ACOXL: variants seen among roughly 807,000 people sequenced by gnomAD.
ACOXL encodes the protein acyl-CoA oxidase like.
ACOXL carries 70 observed loss-of-function variants against 71.9 expected under a neutral mutation model. That is an observed-to-expected ratio of 0.97 (90% CI 0.80 to 1.19). ACOXL has a LOEUF of 1.19. Among genes scored for constraint, ACOXL ranks in the 50% most tolerant of loss-of-function variants. ACOXL has a pLI of 0.00. For synonymous variants in ACOXL, 253 were observed against 281.6 expected, an observed-to-expected ratio of 0.90 and a Z score of 1.02; for missense variants, 703 against 736.3, an observed-to-expected ratio of 0.95 and a Z score of 0.52.
chr2:110,895,066 T>A (rs1256446129), intron 10 of ACOXL, among the ~76,000 whole-genome samples: 1 of 152,130 alleles, frequency 6.6e-6, no homozygotes, highest in Non-Finnish European at 1.5e-5. Flanking sequence ...AGAAAATCAA[T>A]AGGTGCTAAC....
chr2:110,785,125 T>A (rs1683791294), intron 3 of ACOXL, among the ~76,000 whole-genome samples: 1 of 152,244 alleles, frequency 6.6e-6, no homozygotes, highest in Non-Finnish European at 1.5e-5. Context: ...TAAATATTAT[T>A]GCTAAGATCG....
intron 15 of ACOXL, among the ~76,000 whole-genome samples, chr2:111,047,171 A>G (rs1327280623): frequency 1.3e-5 from 2 of 152,190 alleles, no homozygotes; most frequent in Non-Finnish European, 2.9e-5. Flanking sequence ...CTGGCTTGGT[A>G]TGGAAGTTGA....
At chr2:110,968,329 G>A in intron 12 of ACOXL, 1 of 1,186,354 alleles carries the variant, frequency 8.4e-7, no homozygotes, top group South Asian at 1.2e-5. Flanking sequence ...CCTGAAGGGA[G>A]CTGTGGCTGG....
chr2:110,782,550 A>G (rs1018294557), intron 2 of ACOXL, among the ~76,000 whole-genome samples: 1 of 152,228 alleles, frequency 6.6e-6, no homozygotes, highest in Non-Finnish European at 1.5e-5. Flanking sequence ...ATGAGATCTA[A>G]TAGCAAAGGT....
At chr2:111,095,949 C>G (rs2150032296) in intron 17 of ACOXL, among the ~76,000 whole-genome samples, 1 of 152,308 alleles carries the variant, frequency 6.6e-6, no homozygotes, top group East Asian at 1.9e-4. Context: ...GCCACCATAC[C>G]TCTTTGCAGG....
chr2:111,109,671 ATTTTTTTTTT>A lies in ACOXL; in HGVS notation c.1543-7929_1543-7920del, dbSNP rs869081161. Among the ~76,000 whole-genome samples the A allele has an allele frequency of 5.6e-4, 42 of 75,670 alleles. No individual in the cohort carries two copies. In the East Asian group the frequency reaches 8.8e-3, roughly 16 times the overall value. The allele number at this position is 75,670 out of a possible 152,430, so 49.6% of individuals were successfully genotyped here. ...CTATTATATCCATTTTTCTCCTTCT[ATTTTTTTTTT>A]TTTTTTTTTTTTTTTGAGACAGAGT... On this transcript the variant is annotated intron_variant, in intron 17 of 17. Transcript: ENST00000439055.
In ACOXL at chr2:110,790,560, C is replaced by G. The variant is rs543287889; in HGVS notation, c.160-3090C>G. ...GCAAGGTGGGTGCATGTTTGAAGTT[C>G]GAGTTTTCATTAGGTATCCCCCAAC... On this transcript the variant is annotated intron_variant, in intron 3 of 17. Coordinates refer to ENST00000439055, the MANE Select transcript of ACOXL (RefSeq NM_001142807.4). Among the ~76,000 whole-genome samples the G allele has an allele frequency of 2.6e-5, 4 of 152,260 alleles. No individual in the cohort carries two copies. In the South Asian group the frequency reaches 8.3e-4, roughly 32 times the overall value.
At chr2:111,015,986 G>A (rs1184236290) in intron 14 of ACOXL, among the ~76,000 whole-genome samples, 1 of 152,132 alleles carries the variant, frequency 6.6e-6, no homozygotes, top group East Asian at 1.9e-4. Flanking sequence ...AGGCTGGAGT[G>A]CAGTGGTACA....
At chr2:111,103,316 A>T (rs1162807551) in intron 17 of ACOXL, among the ~76,000 whole-genome samples, 2 of 148,784 alleles carry the variant, frequency 1.3e-5, no homozygotes, top group Admixed American at 1.3e-4. Flanking sequence ...AAAAATAAAT[A>T]AATAAAATAA....
chr2:110,905,065 G>A (rs2059391104), intron 10 of ACOXL, among the ~76,000 whole-genome samples: 2 of 152,144 alleles, frequency 1.3e-5, no homozygotes, highest in African/African-American at 4.8e-5. Flanking sequence ...AGAGGCACAT[G>A]GTTAACACAG....
chr2:110,947,220 A>G (rs1034956769), intron 12 of ACOXL, among the ~76,000 whole-genome samples: 2 of 152,206 alleles, frequency 1.3e-5, no homozygotes, highest in Non-Finnish European at 2.9e-5. Context: ...GGGTGGGGTC[A>G]ACCAAGTTCT....
intron 16 of ACOXL, among the ~76,000 whole-genome samples, chr2:111,077,849 T>C (rs2067680075): frequency 6.6e-6 from 1 of 152,206 alleles, no homozygotes; most frequent in African/African-American, 2.4e-5. Context: ...TTTTCTTTGT[T>C]TTTAGATTCC....
chr2:110,983,545 A>G (rs1405013300), intron 12 of ACOXL, among the ~76,000 whole-genome samples: 2 of 152,176 alleles, frequency 1.3e-5, no homozygotes, highest in Non-Finnish European at 2.9e-5. Flanking sequence ...GCAGGTGTAT[A>G]TGAAAATAAA....
In ACOXL at chr2:110,874,870, C is replaced by T. The variant is rs74589636; in HGVS notation, c.788+33465C>T. On this transcript the variant is annotated intron_variant, in intron 10 of 17. Transcript: ENST00000439055. ...CCTCGGGGTGGGAGGCAGGAATCTGCCTTTTATGAAACACGTGCTTCAGGC... is the reference window on the plus strand; with the variant it reads ...CCTCGGGGTGGGAGGCAGGAATCTGTCTTTTATGAAACACGTGCTTCAGGC... Among the ~76,000 whole-genome samples the T allele has an allele frequency of 7.9e-4, 120 of 152,254 alleles. 5 individuals carry two copies. In the East Asian group the frequency reaches 0.02, roughly 25 times the overall value.
At chr2:111,018,711 A>C (rs11354102) in intron 14 of ACOXL, among the ~76,000 whole-genome samples, 2 of 141,644 alleles carry the variant, frequency 1.4e-5, no homozygotes, top group African/African-American at 5.5e-5. Context: ...GAGAGGCTGG[A>C]GGGGGTGTTG....
intron 9 of ACOXL, among the ~76,000 whole-genome samples, chr2:110,814,296 G>A (rs1250391931): frequency 6.6e-6 from 1 of 152,088 alleles, no homozygotes; most frequent in Admixed American, 6.5e-5. Flanking sequence ...GTGTCACTGT[G>A]GTTCTGAGCT....
At chr2:110,780,814 G>A (rs1045637561) in intron 2 of ACOXL, among the ~76,000 whole-genome samples, 7 of 151,646 alleles carry the variant, frequency 4.6e-5, no homozygotes, top group African/African-American at 1.7e-4. Flanking sequence ...CAGGAGGATT[G>A]CTTGAGACTA....
intron 10 of ACOXL, among the ~76,000 whole-genome samples, chr2:110,848,140 C>T (rs1330589534): frequency 6.6e-6 from 1 of 152,234 alleles, no homozygotes; most frequent in Non-Finnish European, 1.5e-5. Context: ...AAATACCTAG[C>T]AACTCCCATT....
At chr2:110,993,454 G>A (rs1478728494) in intron 13 of ACOXL, among the ~76,000 whole-genome samples, 1 of 152,178 alleles carries the variant, frequency 6.6e-6, no homozygotes, top group African/African-American at 2.4e-5. Flanking sequence ...CACCCATGTT[G>A]TTGTGTGTAT....
Sources: allele counts gnomAD v4.1 joint callset (sites outside exome capture counted in the v4.1 genomes callset), GRCh38; gene constraint gnomAD v4.1.1; transcripts MANE v1.5; gene names NCBI Gene and HGNC (gene_info 2026-07-23, HGNC 2026-07-21).